VTI1A: variants seen among roughly 807,000 people sequenced by gnomAD.
VTI1A encodes the protein vesicle transport through interaction with t-SNAREs 1A.
A neutral mutation model predicts 34.9 loss-of-function variants in VTI1A; 22 were observed. That is an observed-to-expected ratio of 0.63 (90% CI 0.45 to 0.90). The LOEUF (loss-of-function observed/expected upper bound fraction) is 0.90, where lower values mean the gene tolerates loss of function less well. Ranked by LOEUF, VTI1A falls within the 40% of genes least tolerant of loss-of-function variation. The pLI is 0.00. For missense variants in VTI1A, 268 were observed against 275.6 expected (o/e 0.97, Z 0.20); for synonymous variants, 87 against 97.3 (o/e 0.89, Z 0.62).
intron 5 of VTI1A, among the ~76,000 whole-genome samples, chr10:112,587,579 G>A (rs932076356): frequency 1.3e-5 from 2 of 152,000 alleles, no homozygotes; most frequent in African/African-American, 2.4e-5. Context: ...ATATCAAAAG[G>A]TACCTCTGCA....
At chr10:112,788,310 G>T (rs1054301565) in intron 7 of VTI1A, among the ~76,000 whole-genome samples, 2 of 151,884 alleles carry the variant, frequency 1.3e-5, no homozygotes, top group African/African-American at 4.8e-5. Context: ...TTTGCTTCAC[G>T]TTTTTCAAGA....
chr10:112,793,344 G>A (rs1207878415), intron 7 of VTI1A, among the ~76,000 whole-genome samples: 1 of 152,126 alleles, frequency 6.6e-6, no homozygotes, highest in East Asian at 1.9e-4. Flanking sequence ...TTGAAATGTT[G>A]GCATTTCCTA....
At chr10:112,465,077 G>A (rs1004621025) in intron 3 of VTI1A, among the ~76,000 whole-genome samples, 3 of 151,912 alleles carry the variant, frequency 2.0e-5, no homozygotes, top group African/African-American at 7.3e-5. Flanking sequence ...TTTTTCCCTG[G>A]GATAAACTCC....
At chr10:112,498,330 A>G (rs1373896829) in intron 3 of VTI1A, among the ~76,000 whole-genome samples, 18 of 152,132 alleles carry the variant, frequency 1.2e-4, no homozygotes, top group Admixed American at 1.2e-3. Flanking sequence ...TAAAATGTTA[A>G]TATATATTTA....
intron 7 of VTI1A, among the ~76,000 whole-genome samples, chr10:112,687,340 T>C (rs1174563433): frequency 6.8e-6 from 1 of 146,834 alleles, no homozygotes; most frequent in Non-Finnish European, 1.5e-5. Flanking sequence ...TTCACGCCAT[T>C]CTCCTGCCTC....
intron 7 of VTI1A, among the ~76,000 whole-genome samples, chr10:112,673,052 C>T (rs1847905259): frequency 1.3e-5 from 2 of 152,112 alleles, no homozygotes; most frequent in Admixed American, 1.3e-4. Context: ...TGTGGTGGCT[C>T]ACACCCGTAA....
intron 3 of VTI1A, among the ~76,000 whole-genome samples, chr10:112,486,724 ATG>A (rs1456290267): frequency 3.8e-5 from 5 of 132,324 alleles, no homozygotes; most frequent in African/African-American, 1.7e-4. Flanking sequence ...AGAATATACA[ATG>A]TAACAAAAAG....
intron 1 of VTI1A, among the ~76,000 whole-genome samples, chr10:112,458,454 G>A (rs1189514004): frequency 9.2e-5 from 14 of 152,068 alleles, no homozygotes; most frequent in Admixed American, 9.2e-4. Context: ...ACTTTTCAAG[G>A]AGGGAAAATC....
At chr10:112,570,230 T>TCAG (rs1300350779) in intron 5 of VTI1A, among the ~76,000 whole-genome samples, 6 of 152,054 alleles carry the variant, frequency 3.9e-5, no homozygotes, top group Non-Finnish European at 8.8e-5. Context: ...AACTCTAAAC[T>TCAG]GGCTGTGTAC....
At chr10:112,460,495 CA>C (rs746314328) in intron 1 of VTI1A, 28 bp from the exon 2 acceptor site, 1 of 1,569,864 alleles carries the variant, frequency 6.4e-7, no homozygotes, top group Admixed American at 2.0e-5. Flanking sequence ...GTATCTTTAG[CA>C]ATTTCTTGGT....
downstream of VTI1A, among the ~76,000 whole-genome samples, chr10:112,822,424 T>C (rs1853670624): frequency 6.6e-6 from 1 of 151,926 alleles, no homozygotes; most frequent in Non-Finnish European, 1.5e-5. Context: ...GGAGGCTGGG[T>C]TGGAGTTTGG....
intron 5 of VTI1A, among the ~76,000 whole-genome samples, chr10:112,617,217 CA>C (rs1845542292): frequency 6.6e-6 from 1 of 152,162 alleles, no homozygotes. Context: ...ATTGAAGCCA[CA>C]AGACAGTAAA....
chr10:112,547,883 G>A (rs183139733), intron 5 of VTI1A, among the ~76,000 whole-genome samples: 2 of 151,964 alleles, frequency 1.3e-5, no homozygotes, highest in Admixed American at 6.6e-5. Context: ...TCTTTTTAAA[G>A]AATTTTTGAA....
chr10:112,530,552 T>C (rs1009084206), intron 4 of VTI1A, among the ~76,000 whole-genome samples: 3 of 152,222 alleles, frequency 2.0e-5, no homozygotes, highest in Non-Finnish European at 4.4e-5. Context: ...TCAGTTTCTA[T>C]ATGCAGAATT....
chr10:112,635,269 A>G (rs955355514), intron 5 of VTI1A, among the ~76,000 whole-genome samples: 1 of 152,208 alleles, frequency 6.6e-6, no homozygotes, highest in Non-Finnish European at 1.5e-5. Flanking sequence ...ATTTAAGGAG[A>G]AAGATCCCTT....
intron 3 of VTI1A, among the ~76,000 whole-genome samples, chr10:112,514,477 GT>G (rs1447342069): frequency 6.6e-6 from 1 of 150,414 alleles, no homozygotes; most frequent in African/African-American, 2.4e-5. Context: ...TTTTTCTATT[GT>G]TTTTCTAGTC....
chr10:112,553,940 G>T (rs904151899), intron 5 of VTI1A, among the ~76,000 whole-genome samples: 2 of 152,146 alleles, frequency 1.3e-5, no homozygotes, highest in Non-Finnish European at 2.9e-5. Flanking sequence ...TACATCATCA[G>T]TTAAGACCCT....
intron 5 of VTI1A, among the ~76,000 whole-genome samples, chr10:112,567,622 G>C (rs1229703767): frequency 1.3e-5 from 2 of 152,120 alleles, no homozygotes; most frequent in Admixed American, 6.5e-5. Flanking sequence ...TATGATTGGG[G>C]GCAGATGATT....
At chr10:112,660,323 C>G (rs540773620) in intron 5 of VTI1A, among the ~76,000 whole-genome samples, 1 of 152,334 alleles carries the variant, frequency 6.6e-6, no homozygotes, top group South Asian at 2.1e-4. Flanking sequence ...TGATCTCGAT[C>G]TCTTGACCTT....
Sources: gnomAD v4.1 joint callset for allele counts (sites outside exome capture counted in the v4.1 genomes callset) on GRCh38, gnomAD v4.1.1 for gene constraint, MANE v1.5 for transcripts, NCBI Gene and HGNC (gene_info 2026-07-23, HGNC 2026-07-21) for gene names.